MZT1: variants seen among roughly 807,000 people sequenced by gnomAD.
MZT1 encodes the protein mitotic spindle organizing protein 1, also known as mitotic-spindle organizing protein 1.
A neutral mutation model predicts 8.5 loss-of-function variants in MZT1; 8 were observed. The observed-to-expected ratio is 0.94, with a 90% CI of 0.55 to 1.70. MZT1 has a LOEUF of 1.70. MZT1 is among the 40% of genes most tolerant of loss of function. MZT1 has a pLI of 0.00. For missense variants in MZT1, 93 were observed against 108.6 expected (o/e 0.86, Z 0.64); for synonymous variants, 38 against 42.0 (o/e 0.90, Z 0.37).
At chr13:72,717,187 G>T (rs986499981) in intron 2 of MZT1, among the ~76,000 whole-genome samples, 13 of 152,194 alleles carry the variant, frequency 8.5e-5, no homozygotes, top group African/African-American at 3.1e-4. Context: ...TTGCTCATTT[G>T]TGTCACATTA....
chr13:72,713,045 A>G (rs1345988387), intron 2 of MZT1, among the ~76,000 whole-genome samples: 1 of 152,224 alleles, frequency 6.6e-6, no homozygotes, highest in Non-Finnish European at 1.5e-5. Context: ...TCTTGTTTCT[A>G]ATAACGACTT....
intron 2 of MZT1, 90 bp from the exon 3 acceptor site, chr13:72,710,435 C>T: frequency 1.7e-6 from 2 of 1,162,672 alleles, no homozygotes; most frequent in Non-Finnish European, 2.6e-6. Flanking sequence ...CTGTCATTAA[C>T]AAACAACTAT....
chr13:72,717,899 A>T (rs1276265543), intron 2 of MZT1, among the ~76,000 whole-genome samples: 2 of 152,170 alleles, frequency 1.3e-5, no homozygotes, highest in African/African-American at 4.8e-5. Flanking sequence ...TTTTCTATCA[A>T]GCACCTTAAA....
chr13:72,721,451 C>T (rs1344052156), intron 1 of MZT1, among the ~76,000 whole-genome samples: 1 of 152,230 alleles, frequency 6.6e-6, no homozygotes, highest in East Asian at 1.9e-4. Context: ...TTTCTGAGTA[C>T]TTTCCTCACA....
At chr13:72,717,951 C>T (rs2032551950) in intron 2 of MZT1, among the ~76,000 whole-genome samples, 1 of 152,190 alleles carries the variant, frequency 6.6e-6, no homozygotes. Flanking sequence ...AAAGCCACAT[C>T]CTCACTTTTA....
intron 2 of MZT1, among the ~76,000 whole-genome samples, chr13:72,716,298 C>A (rs2032534387): frequency 6.6e-6 from 1 of 151,888 alleles, no homozygotes; most frequent in East Asian, 1.9e-4. Context: ...GAGAGGAGAG[C>A]AAGAGAGAGG....
rs567361226 is a variant in MZT1 at position 72,723,942 on chromosome 13, G to A, written c.79+3582C>T. On this transcript the variant is annotated intron_variant, in intron 1 of 2. Coordinates refer to ENST00000377818, the MANE Select transcript of MZT1 (RefSeq NM_001071775.3). ...AGTGTTTAGCAAAGACTTGTCTGAA[G>A]AAGTGACAATTACACTTAGACATCA... Among the ~76,000 whole-genome samples the A allele has an allele frequency of 2.0e-5, 3 of 152,312 alleles. No homozygotes were observed. In the East Asian group the frequency reaches 5.8e-4, roughly 29 times the overall value.
rs369623213 is a variant in MZT1, at chr13:72,717,980, A to C, written c.225+972T>G. Among the ~76,000 whole-genome samples the C allele has an allele frequency of 2.6e-4, 39 of 152,270 alleles. 1 individual carries two copies. Among genetic ancestry groups the C allele is most frequent in the African/African-American group, 8.7e-4 (36 of 41,546 alleles). On this transcript the variant is annotated intron_variant, in intron 2 of 2. Transcript: ENST00000377818. Reference sequence around the variant, plus strand: ...ACTTTTAAGTATTTGTTACAGCAACACCCCACTTCCCAGTACCAAAATCTG... The same window carrying C: ...ACTTTTAAGTATTTGTTACAGCAACCCCCCACTTCCCAGTACCAAAATCTG...
chr13:72,727,282 T>C (rs1470502522), intron 1 of MZT1, among the ~76,000 whole-genome samples: 1 of 152,156 alleles, frequency 6.6e-6, no homozygotes, highest in East Asian at 1.9e-4. Context: ...AGGGACGCGG[T>C]GCGCAACCGG....
chr13:72,710,216 T>C lies in MZT1; in HGVS notation c.*106A>G. 8.5e-7 allele frequency: 1 copy of C among 1,172,850 alleles called. No homozygotes were observed. Among genetic ancestry groups the C allele is most frequent in the Non-Finnish European group, 1.2e-6 (1 of 810,992 alleles). The allele number at this position is 1,172,850 out of a possible 1,614,324, so 72.7% of individuals were successfully genotyped here. A position where few individuals can be genotyped will look rare whatever the true frequency, so the allele number is the denominator to read the frequency against. ...TAATTCTTTTAAAAAGTAAAATTTT[T>C]CTACACTGCTGCATGCAGTAATTTC... On this transcript the variant is annotated 3_prime_UTR_variant, in exon 3 of 3. Coordinates refer to ENST00000377818, the MANE Select transcript of MZT1 (RefSeq NM_001071775.3).
intron 1 of MZT1, among the ~76,000 whole-genome samples, chr13:72,719,478 C>CT (rs1478546182): frequency 6.6e-6 from 1 of 152,146 alleles, no homozygotes; most frequent in African/African-American, 2.4e-5. Flanking sequence ...CTTAACTACT[C>CT]TGTTACTTTA....
rs554415299 is a variant in MZT1, at chr13:72,716,057, A to G, written c.225+2895T>C. 9.9e-5 allele frequency among the ~76,000 whole-genome samples: 15 copies of G among 152,094 alleles called. No homozygotes were observed. The South Asian group carries it at 2.7e-3, about 27-fold the overall frequency. On this transcript the variant is annotated intron_variant, in intron 2 of 2. Coordinates refer to ENST00000377818, the MANE Select transcript of MZT1 (RefSeq NM_001071775.3). Reference sequence around the variant, plus strand: ...CTCAGCCTCCCGAGCAGCTGGGATTACAGTGCCTGCCATAATGCCTGGCTA... The same window carrying G: ...CTCAGCCTCCCGAGCAGCTGGGATTGCAGTGCCTGCCATAATGCCTGGCTA...
At chr13:72,721,469 T>C (rs944274406) in intron 1 of MZT1, among the ~76,000 whole-genome samples, 1 of 152,232 alleles carries the variant, frequency 6.6e-6, no homozygotes, top group African/African-American at 2.4e-5. Flanking sequence ...ACACATCTGC[T>C]AATCAATGCT....
At chr13:72,726,190 G>C (rs2032653694) in intron 1 of MZT1, among the ~76,000 whole-genome samples, 1 of 152,200 alleles carries the variant, frequency 6.6e-6, no homozygotes, top group South Asian at 2.1e-4. Context: ...AGCATTTTGG[G>C]AGGCCGAGGC....
chr13:72,717,101 A>G (rs1391523671), intron 2 of MZT1, among the ~76,000 whole-genome samples: 1 of 152,144 alleles, frequency 6.6e-6, no homozygotes, highest in African/African-American at 2.4e-5. Flanking sequence ...TCTCCAGAAC[A>G]TGTTATTCAG....
At chr13:72,718,812 C>T in intron 2 of MZT1, 140 bp downstream of exon 2, 1 of 785,840 alleles carries the variant, frequency 1.3e-6, no homozygotes, top group Non-Finnish European at 1.9e-6. Context: ...TGAACATACA[C>T]TATTGAGCTC....
intron 2 of MZT1, among the ~76,000 whole-genome samples, chr13:72,714,785 A>G (rs539602039): frequency 6.6e-6 from 1 of 152,358 alleles, no homozygotes; most frequent in Admixed American, 6.5e-5. Context: ...ACAGAGTACA[A>G]TGGCTGAGGC....
chr13:72,718,864 A>C, intron 2 of MZT1, 88 bp downstream of exon 2: 2 of 1,283,048 alleles, frequency 1.6e-6, no homozygotes, highest in Non-Finnish European at 2.1e-6. Context: ...AACCTTGTTT[A>C]ACCAGGATGT....
At chr13:72,725,484 T>TA in intron 1 of MZT1, among the ~76,000 whole-genome samples, 1 of 152,162 alleles carries the variant, frequency 6.6e-6, no homozygotes, top group Admixed American at 6.5e-5. Flanking sequence ...TCACATGACT[T>TA]AAAGGGAGGT....
Sources: allele counts gnomAD v4.1 joint callset (sites outside exome capture counted in the v4.1 genomes callset), GRCh38; gene constraint gnomAD v4.1.1; transcripts MANE v1.5; gene names NCBI Gene and HGNC (gene_info 2026-07-23, HGNC 2026-07-21).